The following CCDC73 variants were observed in gnomAD, a reference collection of about 807,000 sequenced individuals.
The protein encoded by CCDC73 is coiled-coil domain-containing protein 73.
In CCDC73, 95 loss-of-function variants were observed where a neutral mutation model predicts 116.5. That is an observed-to-expected ratio of 0.82 (90% CI 0.69 to 0.97). The LOEUF is 0.97. Ranked by LOEUF, CCDC73 falls within the 50% of genes least tolerant of loss-of-function variation. The pLI is 0.00. For missense variants in CCDC73, 1,066 were observed against 1,206.8 expected (o/e 0.88, Z 1.73); for synonymous variants, 398 against 401.3 (o/e 0.99, Z 0.10).
At chr11:32,814,179 T>G in the CCDC73 span, among the ~76,000 whole-genome samples, 1 of 152,196 alleles carries the variant, frequency 6.6e-6, no homozygotes, top group Non-Finnish European at 1.5e-5. Context: ...TCAGATGGCT[T>G]TAACCAGGAG....
At chr11:32,608,662 C>T (rs1204349664) in intron 17 of CCDC73, among the ~76,000 whole-genome samples, 1 of 152,190 alleles carries the variant, frequency 6.6e-6, no homozygotes, top group Non-Finnish European at 1.5e-5. Context: ...CCAGTAGGGA[C>T]TCTATATGGG....
chr11:32,654,143 C>T, intron 10 of CCDC73, 106 bp from the exon 11 acceptor site: 1 of 963,644 alleles, frequency 1.0e-6, no homozygotes, highest in Non-Finnish European at 1.5e-6. Flanking sequence ...TTCCTACCCC[C>T]AGAGTACCCA....
intron 1 of CCDC73, among the ~76,000 whole-genome samples, chr11:32,781,497 A>AAAGGTG (rs760470727): frequency 7.2e-5 from 11 of 152,128 alleles, no homozygotes; most frequent in Non-Finnish European, 1.3e-4. Context: ...AGGTACCTCT[A>AAAGGTG]AAGGTGAAGG....
chr11:32,686,749 C>T (rs1856205377), intron 6 of CCDC73, among the ~76,000 whole-genome samples: 1 of 152,186 alleles, frequency 6.6e-6, no homozygotes, highest in Non-Finnish European at 1.5e-5. Context: ...ACCTCTAGAG[C>T]ATTGCCCAAC....
At chr11:32,827,782 A>G in the CCDC73 span, among the ~76,000 whole-genome samples, 1 of 152,232 alleles carries the variant, frequency 6.6e-6, no homozygotes. Flanking sequence ...TCTCAGATAT[A>G]GGTCTCAGTC....
At chr11:32,809,840 A>C in the CCDC73 span, among the ~76,000 whole-genome samples, 1 of 152,254 alleles carries the variant, frequency 6.6e-6, no homozygotes, top group Non-Finnish European at 1.5e-5. Flanking sequence ...TGTTGTAAAG[A>C]TAAATGATTT....
At chr11:32,686,140 G>A (rs1057215272) in intron 6 of CCDC73, among the ~76,000 whole-genome samples, 11 of 142,602 alleles carry the variant, frequency 7.7e-5, no homozygotes, top group African/African-American at 2.6e-4. Context: ...GATGATGAAG[G>A]AGGACTAGGG....
chr11:32,829,877 C>T, the CCDC73 span: 8 of 985,416 alleles, frequency 8.1e-6, no homozygotes, highest in South Asian at 2.8e-4. Flanking sequence ...GCCCGGCCCC[C>T]GGGAGGTGGG....
chr11:32,765,223 A>G (rs545866966), intron 1 of CCDC73, among the ~76,000 whole-genome samples: 1 of 152,340 alleles, frequency 6.6e-6, no homozygotes, highest in South Asian at 2.1e-4. Context: ...GAAAGTTAAA[A>G]AGGATATCCA....
chr11:32,618,242 T>C (rs1590546634), intron 14 of CCDC73, among the ~76,000 whole-genome samples: 1 of 152,206 alleles, frequency 6.6e-6, no homozygotes, highest in East Asian at 1.9e-4. Flanking sequence ...TATTCCATGG[T>C]GTATATGTAC....
chr11:32,724,915 G>A (rs1483406760), intron 2 of CCDC73, among the ~76,000 whole-genome samples: 1 of 152,110 alleles, frequency 6.6e-6, no homozygotes, highest in Non-Finnish European at 1.5e-5. Flanking sequence ...CTAAAATGCA[G>A]ACATTGTGGA....
the CCDC73 span, among the ~76,000 whole-genome samples, chr11:32,823,003 C>T: frequency 1.9e-3 from 287 of 152,166 alleles, 1 homozygote; most frequent in African/African-American, 6.5e-3. Context: ...CACAGTGGCT[C>T]ATGTCTGTAA....
At chr11:32,629,548 C>T (rs190617774) in intron 14 of CCDC73, among the ~76,000 whole-genome samples, 1 of 151,772 alleles carries the variant, frequency 6.6e-6, no homozygotes, top group Non-Finnish European at 1.5e-5. Flanking sequence ...TACAGGCATG[C>T]GCCACCACGC....
intron 1 of CCDC73, among the ~76,000 whole-genome samples, chr11:32,766,920 C>T (rs563908055): frequency 1.2e-3 from 188 of 152,292 alleles, no homozygotes; most frequent in African/African-American, 4.4e-3. Flanking sequence ...GATTCAATGC[C>T]ATCCCCATCA....
chr11:32,723,716 C>T (rs191744422), intron 2 of CCDC73, among the ~76,000 whole-genome samples: 179 of 152,246 alleles, frequency 1.2e-3, no homozygotes, highest in Admixed American at 2.3e-3. Context: ...AATTACTCCT[C>T]TTTTATTGTT....
At chr11:32,691,034 C>T (rs965814896) in intron 6 of CCDC73, among the ~76,000 whole-genome samples, 14 of 151,464 alleles carry the variant, frequency 9.2e-5, no homozygotes, top group African/African-American at 3.4e-4. Flanking sequence ...CCTCCTTCAA[C>T]CCCTGGCAAC....
At chr11:32,819,294 T>C in the CCDC73 span, among the ~76,000 whole-genome samples, 1 of 152,028 alleles carries the variant, frequency 6.6e-6, no homozygotes, top group African/African-American at 2.4e-5. Context: ...AAAATGATTA[T>C]TTTTCTGTAG....
chr11:32,814,225 A>C, the CCDC73 span, among the ~76,000 whole-genome samples: 1 of 152,210 alleles, frequency 6.6e-6, no homozygotes, highest in African/African-American at 2.4e-5. Context: ...CAGGTAAAAA[A>C]GATAAACATA....
At chr11:32,620,568 G>A (rs143280727) in intron 14 of CCDC73, among the ~76,000 whole-genome samples, 107 of 126,302 alleles carry the variant, frequency 8.5e-4, no homozygotes, top group African/African-American at 2.9e-3. Flanking sequence ...CCAAGATCAC[G>A]CCACTGCACT....
Sources: gnomAD v4.1 joint callset for allele counts (sites outside exome capture counted in the v4.1 genomes callset) on GRCh38, gnomAD v4.1.1 for gene constraint, MANE v1.5 for transcripts, NCBI Gene and HGNC (gene_info 2026-07-23, HGNC 2026-07-21) for gene names.